Variants in KAT6B observed in about 807,000 individuals in gnomAD.
KAT6B encodes lysine acetyltransferase 6B, also known as histone acetyltransferase KAT6B.
A neutral mutation model predicts 187.5 loss-of-function variants in KAT6B; 10 were observed. The observed-to-expected ratio is 0.05, with a 90% CI of 0.03 to 0.09. The LOEUF is 0.09. Among genes scored for constraint, KAT6B ranks in the 10% least tolerant of loss-of-function variants. The pLI is 1.00. For synonymous variants in KAT6B, 861 were observed against 926.8 expected (o/e 0.93, Z 1.29); for missense variants, 1,952 against 2,558.9 (o/e 0.76, Z 5.12).
chr10:75,017,076 T>A (rs943793530), intron 13 of KAT6B, among the ~76,000 whole-genome samples: 4 of 152,008 alleles, frequency 2.6e-5, no homozygotes, highest in Non-Finnish European at 4.4e-5. Context: ...TTGGTCAGGC[T>A]GGTCTCGAAC....
chr10:74,906,842 C>T (rs188402461), intron 3 of KAT6B, among the ~76,000 whole-genome samples: 306 of 152,248 alleles, frequency 2.0e-3, no homozygotes, highest in African/African-American at 6.8e-3. Context: ...CTGGAGCGTC[C>T]GCCTCTGGAG....
chr10:74,902,864 A>G (rs1180269108), intron 3 of KAT6B, among the ~76,000 whole-genome samples: 1 of 152,228 alleles, frequency 6.6e-6, no homozygotes, highest in African/African-American at 2.4e-5. Flanking sequence ...AGAAGAGTTA[A>G]TATTATTTTC....
intron 3 of KAT6B, among the ~76,000 whole-genome samples, chr10:74,845,277 C>T (rs939331297): frequency 5.3e-5 from 8 of 151,812 alleles, no homozygotes; most frequent in African/African-American, 1.2e-4. Flanking sequence ...CCTGTAATCC[C>T]AGCACTTTGG....
intron 3 of KAT6B, among the ~76,000 whole-genome samples, chr10:74,952,846 A>ATTTTTTTTTTTTTTTTTTTTTT (rs34687036): frequency 1.1e-5 from 1 of 90,520 alleles, no homozygotes. Context: ...TGCCTGGCTA[A>ATTTTTTTTTTTTTTTTTTTTTT]TTTTTTTTTT....
At chr10:74,944,533 G>A (rs1036166640) in intron 3 of KAT6B, among the ~76,000 whole-genome samples, 6 of 152,152 alleles carry the variant, frequency 3.9e-5, no homozygotes, top group Admixed American at 2.6e-4. Context: ...AAATTAGGCC[G>A]GGCGCGGTGG....
intron 3 of KAT6B, among the ~76,000 whole-genome samples, chr10:74,880,090 G>T (rs571043832): frequency 2.0e-5 from 3 of 152,066 alleles, no homozygotes; most frequent in African/African-American, 7.2e-5. Context: ...CATAATTTGC[G>T]TTATCGTAAA....
chr10:74,948,333 T>C (rs966932195), intron 3 of KAT6B, among the ~76,000 whole-genome samples: 9 of 152,364 alleles, frequency 5.9e-5, no homozygotes, highest in African/African-American at 1.9e-4. Context: ...TAGTAACTTA[T>C]TGAATAGCAC....
intron 3 of KAT6B, among the ~76,000 whole-genome samples, chr10:74,906,217 T>C (rs1846750364): frequency 6.6e-6 from 1 of 152,032 alleles, no homozygotes; most frequent in Non-Finnish European, 1.5e-5. Context: ...CTGACCAACA[T>C]GGTAAAACCC....
chr10:75,027,477 C>G (rs903907431), intron 17 of KAT6B, among the ~76,000 whole-genome samples: 9 of 152,054 alleles, frequency 5.9e-5, no homozygotes, highest in Non-Finnish European at 1.3e-4. Context: ...TCTAATAAGA[C>G]TATTGTTCTA....
chr10:74,903,694 G>A (rs1846555803), intron 3 of KAT6B, among the ~76,000 whole-genome samples: 2 of 152,210 alleles, frequency 1.3e-5, no homozygotes, highest in South Asian at 4.1e-4. Context: ...AGCTGAGCCT[G>A]ACTGGATTTC....
At chr10:74,867,510 T>C (rs1843637453) in intron 3 of KAT6B, among the ~76,000 whole-genome samples, 1 of 152,206 alleles carries the variant, frequency 6.6e-6, no homozygotes, top group African/African-American at 2.4e-5. Context: ...AATAACTTAC[T>C]AACAAGTTGT....
intron 13 of KAT6B, among the ~76,000 whole-genome samples, chr10:75,004,236 G>T (rs918969791): frequency 3.3e-5 from 5 of 152,132 alleles, no homozygotes; most frequent in African/African-American, 1.2e-4. Flanking sequence ...CATCAAGAGG[G>T]CAGGAACTTG....
chr10:74,865,424 C>T (rs781310206), intron 3 of KAT6B, among the ~76,000 whole-genome samples: 2 of 152,006 alleles, frequency 1.3e-5, no homozygotes, highest in South Asian at 2.1e-4. Flanking sequence ...TTCCTCTCTA[C>T]TGCCTTCAAG....
intron 13 of KAT6B, among the ~76,000 whole-genome samples, chr10:75,000,628 G>A (rs79410203): frequency 0.018 from 2,677 of 152,012 alleles, 28 homozygotes; most frequent in Non-Finnish European, 0.026. Flanking sequence ...TGGCAAGTTC[G>A]TCAGTTAAGT....
chr10:74,831,744 C>T (rs1398129677), intron 1 of KAT6B, among the ~76,000 whole-genome samples: 1 of 152,210 alleles, frequency 6.6e-6, no homozygotes, highest in Non-Finnish European at 1.5e-5. Context: ...ATCATCCTTG[C>T]TGCTTTCATA....
At position 74,906,415 on chromosome 10, in the gene KAT6B, T is replaced by C. The variant is rs543197785; in HGVS notation, c.622-53555T>C. ...CACCTCAAAAAAAAAATCTTTTTTT[T>C]CCCTTTTTATATTTTTGTCTGGATC... On this transcript the variant is annotated intron_variant, in intron 3 of 17. Coordinates refer to ENST00000287239, the MANE Select transcript of KAT6B (RefSeq NM_012330.4). Among the ~76,000 whole-genome samples the C allele has an allele frequency of 6.0e-3, 919 of 152,240 alleles. 8 individuals carry two copies. The highest frequency in any genetic ancestry group is 9.7e-3 in the Non-Finnish European group (661 of 68,010).
At chr10:74,931,717 A>T (rs992472469) in intron 3 of KAT6B, among the ~76,000 whole-genome samples, 7 of 152,170 alleles carry the variant, frequency 4.6e-5, no homozygotes, top group African/African-American at 1.7e-4. Flanking sequence ...ACTATTGAAG[A>T]AAGCAAGAAA....
chr10:74,853,943 G>C (rs997776864), intron 3 of KAT6B, among the ~76,000 whole-genome samples: 14 of 152,124 alleles, frequency 9.2e-5, no homozygotes, highest in Admixed American at 8.5e-4. Flanking sequence ...GTTTTATCAT[G>C]ACAGTAGCAA....
chr10:74,976,542 C>G, intron 8 of KAT6B: 1 of 611,792 alleles, frequency 1.6e-6, no homozygotes, highest in Non-Finnish European at 2.9e-6. Flanking sequence ...TAATACTCTC[C>G]CACCTTTTAT....
Sources: allele counts gnomAD v4.1 joint callset (sites outside exome capture counted in the v4.1 genomes callset), GRCh38; gene constraint gnomAD v4.1.1; transcripts MANE v1.5; gene names NCBI Gene and HGNC (gene_info 2026-07-23, HGNC 2026-07-21).